The following RANBP9 variants were observed in gnomAD, a reference collection of about 807,000 sequenced individuals.
RANBP9 encodes the protein ran-binding protein 9.
A neutral mutation model predicts 84.3 loss-of-function variants in RANBP9; 15 were observed. That is an observed-to-expected ratio of 0.18 (90% CI 0.12 to 0.27). The LOEUF (loss-of-function observed/expected upper bound fraction) is 0.27, where lower values mean the gene tolerates loss of function less well. RANBP9 is among the 10% of genes least tolerant of loss of function. The pLI is 1.00. For missense variants in RANBP9, 809 were observed against 912.8 expected (o/e 0.89, Z 1.46); for synonymous variants, 392 against 349.6 (o/e 1.12, Z -1.35).
chr6:13,644,118 T>TTG (rs1315085667), intron 6 of RANBP9, among the ~76,000 whole-genome samples: 1 of 152,174 alleles, frequency 6.6e-6, no homozygotes, highest in African/African-American at 2.4e-5. Flanking sequence ...TATTAAGAGC[T>TTG]TGGACATAGC....
rs577163912 is a variant in RANBP9, at chr6:13,686,347, G to A, written c.683+10438C>T. 9.2e-5 allele frequency among the ~76,000 whole-genome samples: 14 copies of A among 151,372 alleles called. No homozygotes were observed. In the East Asian group the frequency reaches 1.4e-3, roughly 15 times the overall value. ...GTTGCCCAAGCTGGAGTGCAGCGGC[G>A]CGATCTTGGCTCACTACAGCCTCTG... On this transcript the variant is annotated intron_variant, in intron 2 of 13. Transcript: ENST00000011619.
chr6:13,666,566 A>G (rs1235600713), intron 2 of RANBP9, among the ~76,000 whole-genome samples: 5 of 138,508 alleles, frequency 3.6e-5, no homozygotes, highest in African/African-American at 1.3e-4. Context: ...GCTTGAGTCC[A>G]GGAGTTCAAG....
chr6:13,636,562 C>A (rs1415593381), intron 10 of RANBP9, among the ~76,000 whole-genome samples: 7 of 152,190 alleles, frequency 4.6e-5, no homozygotes, highest in Non-Finnish European at 8.8e-5. Context: ...TGCAATCTTA[C>A]CCTCAAACAT....
intron 2 of RANBP9, among the ~76,000 whole-genome samples, chr6:13,665,633 A>G (rs1054974444): frequency 2.0e-5 from 3 of 152,128 alleles, no homozygotes; most frequent in South Asian, 2.1e-4. Flanking sequence ...TACCACTCAT[A>G]AGAAAAATGA....
chr6:13,658,364 T>C, intron 3 of RANBP9, among the ~76,000 whole-genome samples: 1 of 152,030 alleles, frequency 6.6e-6, no homozygotes, highest in Non-Finnish European at 1.5e-5. Context: ...ATCCTAACAG[T>C]TTGGGAGGCC....
In RANBP9 at chr6:13,672,320, C is replaced by A. The variant is rs189420293; in HGVS notation, c.684-13488G>T. ...CAGGAACTCTGGTCCACTAAAAAAC[C>A]CAACAGATTTCATCATATGATTATA... On this transcript the variant is annotated intron_variant, in intron 2 of 13. Transcript: ENST00000011619. Among the ~76,000 whole-genome samples the A allele has an allele frequency of 1.1e-3, 170 of 152,100 alleles. 2 individuals carry two copies. The highest frequency in any genetic ancestry group is 0.011 in the Admixed American group (162 of 15,268).
intron 2 of RANBP9, among the ~76,000 whole-genome samples, chr6:13,662,209 T>C (rs1765551155): frequency 6.6e-6 from 1 of 152,146 alleles, no homozygotes; most frequent in Admixed American, 6.5e-5. Flanking sequence ...TTAAAATCTA[T>C]CATCCATACA....
At chr6:13,696,992 G>A in intron 1 of RANBP9, 96 bp from the exon 2 acceptor site, 1 of 998,120 alleles carries the variant, frequency 1.0e-6, no homozygotes, top group Non-Finnish European at 1.5e-6. Context: ...TTTTTGGAAT[G>A]ATGTATTATT....
At chr6:13,627,611 C>T (rs1160724388) in intron 12 of RANBP9, among the ~76,000 whole-genome samples, 1 of 117,622 alleles carries the variant, frequency 8.5e-6, no homozygotes, top group African/African-American at 3.4e-5. Flanking sequence ...GCATGGACGA[C>T]AGAGAGAGAC....
At chr6:13,660,748 A>G (rs1476704585) in intron 2 of RANBP9, among the ~76,000 whole-genome samples, 2 of 152,214 alleles carry the variant, frequency 1.3e-5, no homozygotes, top group Non-Finnish European at 2.9e-5. Context: ...TATTACTACT[A>G]TGAGCATATG....
Position 13,711,520 on chromosome 6 carries a change from A to T in RANBP9, c.-15T>A. 8.0e-7 allele frequency: 1 copy of T among 1,246,420 alleles called. No homozygotes were observed. The highest frequency in any genetic ancestry group is 1.0e-6 in the Non-Finnish European group (1 of 991,994). The allele number at this position is 1,246,420 out of a possible 1,614,324, so 77.2% of individuals were successfully genotyped here. On this transcript the variant is annotated 5_prime_UTR_variant, in exon 1 of 14. Coordinates refer to ENST00000011619, the MANE Select transcript of RANBP9 (RefSeq NM_005493.3). The stretch of plus-strand genomic sequence containing the variant: ...TGCCCGGACATCCCGGCCGCGACTC[A>T]GCCTGCGGCCACCTCCACCTCTTCT...
At chr6:13,690,193 C>G (rs1289984414) in intron 2 of RANBP9, among the ~76,000 whole-genome samples, 1 of 152,206 alleles carries the variant, frequency 6.6e-6, no homozygotes, top group Non-Finnish European at 1.5e-5. Context: ...TACTAAATGT[C>G]AGGTCCTCTA....
rs924807554 is a variant in RANBP9, at chr6:13,638,384, G to T, written c.1526-429C>A. Among the ~76,000 whole-genome samples the T allele has an allele frequency of 2.6e-5, 4 of 152,154 alleles. No homozygotes were observed. The South Asian group carries it at 8.3e-4, about 32-fold the overall frequency. On this transcript the variant is annotated intron_variant, in intron 9 of 13. Coordinates refer to ENST00000011619, the MANE Select transcript of RANBP9 (RefSeq NM_005493.3). ...CTGAGAGGAAGTAATGCAGAAAAGA[G>T]AATAAATTGAAATAAGAAAAAGCAA...
intron 4 of RANBP9, among the ~76,000 whole-genome samples, chr6:13,654,900 G>A (rs531507306): frequency 6.6e-6 from 1 of 152,280 alleles, no homozygotes; most frequent in African/African-American, 2.4e-5. Flanking sequence ...ACATTTAATG[G>A]TTATTCACTA....
intron 1 of RANBP9, among the ~76,000 whole-genome samples, chr6:13,700,379 CT>C (rs1271148287): frequency 5.9e-5 from 9 of 152,200 alleles, no homozygotes; most frequent in Non-Finnish European, 1.3e-4. Flanking sequence ...TCCACCTGCA[CT>C]TTCCACCTCC....
At chr6:13,703,069 G>A (rs1266777188) in intron 1 of RANBP9, among the ~76,000 whole-genome samples, 2 of 152,200 alleles carry the variant, frequency 1.3e-5, no homozygotes, top group Non-Finnish European at 2.9e-5. Context: ...CTAAAATGCA[G>A]TGGCATGATC....
At chr6:13,645,510 A>G (rs548952424) in intron 5 of RANBP9, among the ~76,000 whole-genome samples, 1 of 152,328 alleles carries the variant, frequency 6.6e-6, no homozygotes, top group East Asian at 1.9e-4. Context: ...TTACATCTAA[A>G]GGCAGAATGA....
intron 2 of RANBP9, among the ~76,000 whole-genome samples, chr6:13,685,819 T>C (rs1189791693): frequency 1.3e-5 from 2 of 150,324 alleles, no homozygotes; most frequent in Non-Finnish European, 1.5e-5. Flanking sequence ...TCCCAGCTAA[T>C]GGGAGGGAGG....
At chr6:13,697,009 C>G in intron 1 of RANBP9, 113 bp from the exon 2 acceptor site, 2 of 804,382 alleles carry the variant, frequency 2.5e-6, no homozygotes, top group Middle Eastern at 4.7e-4. Flanking sequence ...TATTTCTGCT[C>G]CTATCAGTTC....
Sources: allele counts gnomAD v4.1 joint callset (sites outside exome capture counted in the v4.1 genomes callset), GRCh38; gene constraint gnomAD v4.1.1; transcripts MANE v1.5; gene names NCBI Gene and HGNC (gene_info 2026-07-23, HGNC 2026-07-21).